RAB27A: variants seen among roughly 807,000 people sequenced by gnomAD.
The protein encoded by RAB27A is RAB27A, member RAS oncogene family, also known as ras-related protein Rab-27A.
Under a neutral mutation model 20.8 loss-of-function variants are expected in RAB27A, and 17 were observed. The ratio of observed to expected loss-of-function variants is 0.82; its 90% CI spans 0.56 to 1.23. RAB27A has a LOEUF of 1.23. Among genes scored for constraint, RAB27A ranks in the 50% most tolerant of loss-of-function variants. The probability of loss-of-function intolerance (pLI) is 0.00; values close to 1 mark genes in which losing one functional copy is unlikely to be tolerated. For synonymous variants in RAB27A, 85 were observed against 92.8 expected, an observed-to-expected ratio of 0.92 and a Z score of 0.48; for missense variants, 277 against 266.7, an observed-to-expected ratio of 1.04 and a Z score of -0.27.
chr15:55,250,713 A>G (rs187258371), intron 2 of RAB27A, among the ~76,000 whole-genome samples: 2 of 152,330 alleles, frequency 1.3e-5, no homozygotes, highest in East Asian at 3.9e-4. Context: ...GAAGCATGAA[A>G]GGGCTATTCT....
rs528595027 is a variant in RAB27A, at chr15:55,259,538, C to A, written c.-23+10627G>T. 2.0e-5 allele frequency among the ~76,000 whole-genome samples: 3 copies of A among 151,888 alleles called. No homozygotes were observed. The South Asian group carries it at 6.2e-4, about 32-fold the overall frequency. ...CTAGTCTCAAGTGATCCTCCCACCT[C>A]AGCCTCCCAAAGTGCTAGGATTACA... On this transcript the variant is annotated intron_variant, in intron 2 of 6. Coordinates refer to ENST00000336787, the MANE Select transcript of RAB27A (RefSeq NM_183235.3).
Position 55,274,796 on chromosome 15 carries a change from A to C in RAB27A, c.-142-4512T>G, listed in dbSNP as rs531942834. ...CCGTCCTTAAAAAAATAAATAAATTATATATATATATATATATATATATAT... is the reference window on the plus strand; with the variant it reads ...CCGTCCTTAAAAAAATAAATAAATTCTATATATATATATATATATATATAT... On this transcript the variant is annotated intron_variant, in intron 1 of 6. Coordinates refer to ENST00000336787, the MANE Select transcript of RAB27A (RefSeq NM_183235.3). Among the ~76,000 whole-genome samples, 3 of 78,650 alleles carry C rather than the reference A, an allele frequency of 3.8e-5. No homozygotes were observed. The East Asian group carries it at 1.4e-3, about 37-fold the overall frequency. The allele number at this position is 78,650 out of a possible 152,430, so 51.6% of individuals were successfully genotyped here.
At chr15:55,244,500 G>A (rs1319120539) in intron 2 of RAB27A, among the ~76,000 whole-genome samples, 1 of 152,038 alleles carries the variant, frequency 6.6e-6, no homozygotes, top group Non-Finnish European at 1.5e-5. Flanking sequence ...GTTGTTGGGG[G>A]GAGATGACGT....
intron 2 of RAB27A, among the ~76,000 whole-genome samples, chr15:55,241,746 T>A (rs1195043893): frequency 1.3e-5 from 2 of 150,878 alleles, no homozygotes; most frequent in African/African-American, 4.9e-5. Context: ...AGTTCAAGGC[T>A]GCAGTAAGAT....
intron 6 of RAB27A, among the ~76,000 whole-genome samples, chr15:55,213,476 T>A (rs970350922): frequency 3.3e-5 from 5 of 152,296 alleles, no homozygotes; most frequent in Admixed American, 1.3e-4. Context: ...GGGTTCCCAA[T>A]CCCCAGGCCA....
intron 2 of RAB27A, among the ~76,000 whole-genome samples, chr15:55,249,728 T>C (rs899319170): frequency 1.3e-4 from 20 of 152,356 alleles, no homozygotes; most frequent in African/African-American, 4.6e-4. Context: ...TGCTACTTCA[T>C]CTGTTTCTAA....
chr15:55,240,262 C>T (rs545242246), intron 2 of RAB27A, among the ~76,000 whole-genome samples: 46 of 152,180 alleles, frequency 3.0e-4, no homozygotes, highest in African/African-American at 1.0e-3. Context: ...ACACACAGTA[C>T]CAGAATTTGA....
chr15:55,292,217 T>C (rs2054925245), upstream of RAB27A, among the ~76,000 whole-genome samples: 1 of 152,252 alleles, frequency 6.6e-6, no homozygotes, highest in African/African-American at 2.4e-5. Context: ...TCAGCCAATA[T>C]GCTAATAGTT....
At chr15:55,206,331 A>T (rs1032416521) in intron 6 of RAB27A, 14 of 780,272 alleles carry the variant, frequency 1.8e-5, no homozygotes, top group Non-Finnish European at 2.0e-5. Flanking sequence ...AGACAGAATT[A>T]AATCTTTTTT....
intron 2 of RAB27A, among the ~76,000 whole-genome samples, chr15:55,265,135 G>C (rs1897418234): frequency 6.6e-6 from 1 of 152,170 alleles, no homozygotes; most frequent in Admixed American, 6.5e-5. Context: ...CCAGCTACTT[G>C]GGAGGCTGAG....
At chr15:55,293,985 A>G (rs1361212981), upstream of RAB27A, among the ~76,000 whole-genome samples, 1 of 152,216 alleles carries the variant, frequency 6.6e-6, no homozygotes, top group African/African-American at 2.4e-5. Context: ...GAAGATGGCT[A>G]TATTCCCCAG....
intron 6 of RAB27A, among the ~76,000 whole-genome samples, chr15:55,213,555 G>C (rs1036831233): frequency 6.6e-5 from 10 of 152,290 alleles, no homozygotes; most frequent in African/African-American, 2.4e-4. Flanking sequence ...GGGGGCCAGC[G>C]AGCAAGCCAA....
intron 6 of RAB27A, among the ~76,000 whole-genome samples, chr15:55,211,956 A>G (rs72740200): frequency 0.2 from 27,436 of 134,162 alleles, 3,164 homozygotes; most frequent in East Asian, 0.4. Flanking sequence ...CTGGACTATA[A>G]CCTTTTTTTT....
intron 6 of RAB27A, among the ~76,000 whole-genome samples, chr15:55,213,522 G>C (rs1895124509): frequency 6.6e-6 from 1 of 152,146 alleles, no homozygotes; most frequent in Non-Finnish European, 1.5e-5. Flanking sequence ...TTAGCAACCA[G>C]GCCACACAAC....
intron 1 of RAB27A, chr15:55,317,179 C>T (rs1385028817): frequency 6.6e-6 from 1 of 151,606 alleles, no homozygotes; most frequent in African/African-American, 2.4e-5. Context: ...TTAAAATTAA[C>T]AGTGTTAGGT....
intron 2 of RAB27A, among the ~76,000 whole-genome samples, chr15:55,296,887 G>A (rs568042378): frequency 2.0e-5 from 3 of 152,164 alleles, no homozygotes; most frequent in African/African-American, 7.2e-5. Context: ...CAGAAACCTA[G>A]GTATGGATAG....
At chr15:55,224,217 C>T (rs1378352685) in intron 5 of RAB27A, among the ~76,000 whole-genome samples, 2 of 152,184 alleles carry the variant, frequency 1.3e-5, no homozygotes, top group African/African-American at 4.8e-5. Context: ...GCACATACCC[C>T]AGTTTATTGA....
At chr15:55,274,667 G>A (rs929526252) in intron 1 of RAB27A, among the ~76,000 whole-genome samples, 1 of 150,674 alleles carries the variant, frequency 6.6e-6, no homozygotes, top group Non-Finnish European at 1.5e-5. Context: ...AATCCCAGCT[G>A]CTTGGGAGGC....
intron 4 of RAB27A, 112 bp from the exon 5 acceptor site, chr15:55,228,824 T>C (rs1039777876): frequency 4.0e-6 from 3 of 758,710 alleles, no homozygotes; most frequent in South Asian, 1.4e-5. Flanking sequence ...ACAAGCTACA[T>C]GGTGATATTT....
Sources: gnomAD v4.1 joint callset for allele counts (sites outside exome capture counted in the v4.1 genomes callset) on GRCh38, gnomAD v4.1.1 for gene constraint, MANE v1.5 for transcripts, NCBI Gene and HGNC (gene_info 2026-07-23, HGNC 2026-07-21) for gene names.